Variants in GALC observed in about 807,000 individuals in gnomAD.
The protein encoded by GALC is galactocerebrosidase.
GALC carries 77 observed loss-of-function variants against 91.8 expected under a neutral mutation model. The ratio of observed to expected loss-of-function variants is 0.84; its 90% CI spans 0.70 to 1.01. The LOEUF (loss-of-function observed/expected upper bound fraction) is 1.01, where lower values mean the gene tolerates loss of function less well. GALC is among the 50% of genes least tolerant of loss of function. GALC has a pLI of 0.00. For synonymous variants in GALC, 357 were observed against 306.7 expected, an observed-to-expected ratio of 1.16 and a Z score of -1.71; for missense variants, 882 against 855.9, an observed-to-expected ratio of 1.03 and a Z score of -0.38.
chr14:87,934,926 T>G, intron 16 of GALC, 48 bp from the exon 17 acceptor site: 1 of 1,389,062 alleles, frequency 7.2e-7, no homozygotes, highest in South Asian at 1.2e-5. Flanking sequence ...AAAATGGTCC[T>G]CTGAAGTCTG....
intron 6 of GALC, among the ~76,000 whole-genome samples, chr14:87,981,825 A>C (rs995455370): frequency 9.2e-5 from 14 of 152,268 alleles, no homozygotes; most frequent in African/African-American, 2.9e-4. Flanking sequence ...AAGAATTAGA[A>C]TATATGCCAT....
At chr14:87,989,913 C>T (rs774895907) in intron 1 of GALC, among the ~76,000 whole-genome samples, 8 of 152,198 alleles carry the variant, frequency 5.3e-5, no homozygotes, top group African/African-American at 9.7e-5. Flanking sequence ...GATACTTTAT[C>T]CCTTATCACT....
chr14:87,977,683 T>C (rs943760608), intron 6 of GALC, among the ~76,000 whole-genome samples: 1 of 152,114 alleles, frequency 6.6e-6, no homozygotes, highest in African/African-American at 2.4e-5. Context: ...GTTGAAGAAA[T>C]TAAGAAAGAA....
chr14:87,973,296 G>A (rs1044136761), intron 7 of GALC, among the ~76,000 whole-genome samples: 1 of 152,066 alleles, frequency 6.6e-6, no homozygotes, highest in African/African-American at 2.4e-5. Flanking sequence ...AAGAAAATGA[G>A]GGAGAAACTT....
chr14:87,980,987 A>G (rs1262205350), intron 6 of GALC, among the ~76,000 whole-genome samples: 1 of 152,218 alleles, frequency 6.6e-6, no homozygotes, highest in African/African-American at 2.4e-5. Context: ...TTGTATAATG[A>G]CTTCTTTTCC....
chr14:87,940,955 T>TA (rs751414631), intron 15 of GALC, among the ~76,000 whole-genome samples: 14 of 152,054 alleles, frequency 9.2e-5, no homozygotes, highest in Admixed American at 5.2e-4. Flanking sequence ...TTTCAAGTAT[T>TA]AACTAAATTC....
intron 11 of GALC, 46 bp from the exon 12 acceptor site, chr14:87,949,977 CCT>C: frequency 1.1e-6 from 1 of 950,054 alleles, no homozygotes; most frequent in East Asian, 2.4e-5. Flanking sequence ...TTCATCACAT[CCT>C]CTTTGAGGAT....
At chr14:87,938,160 CT>C (rs1376282457) in intron 16 of GALC, among the ~76,000 whole-genome samples, 1 of 151,988 alleles carries the variant, frequency 6.6e-6, no homozygotes, top group Non-Finnish European at 1.5e-5. Flanking sequence ...CTGTCAGGCA[CT>C]TTTCTAGGTG....
At chr14:87,939,351 C>CAA (rs11460862) in intron 16 of GALC, among the ~76,000 whole-genome samples, 2 of 151,716 alleles carry the variant, frequency 1.3e-5, no homozygotes, top group African/African-American at 4.8e-5. Flanking sequence ...ACATTATACA[C>CAA]AAAAATTTAT....
intron 10 of GALC, among the ~76,000 whole-genome samples, chr14:87,958,384 G>C (rs1566983970): frequency 6.6e-6 from 1 of 151,934 alleles, no homozygotes; most frequent in Non-Finnish European, 1.5e-5. Flanking sequence ...AAAATATAGT[G>C]AATAATTAAT....
intron 10 of GALC, 150 bp from the exon 11 acceptor site, chr14:87,950,898 T>A: frequency 1.7e-6 from 1 of 597,964 alleles, no homozygotes; most frequent in East Asian, 2.9e-5. Context: ...AAGACTTTTT[T>A]ACAATATAAT....
At chr14:87,993,217 C>T, upstream of GALC, 1 of 1,549,540 alleles carries the variant, frequency 6.5e-7, no homozygotes, top group East Asian at 2.4e-5. Context: ...GTCGCCGCCA[C>T]GATAGATACG....
intron 1 of GALC, chr14:87,992,426 A>T: frequency 6.5e-7 from 1 of 1,534,436 alleles, no homozygotes; most frequent in South Asian, 1.2e-5. Flanking sequence ...ACGAAATCCT[A>T]TTCGGCGCTA....
At chr14:87,951,754 TAA>T (rs1007577146) in intron 10 of GALC, among the ~76,000 whole-genome samples, 3 of 151,534 alleles carry the variant, frequency 2.0e-5, no homozygotes, top group African/African-American at 4.8e-5. Context: ...AAAGGAAAAA[TAA>T]AAAGAGAAAT....
intron 10 of GALC, among the ~76,000 whole-genome samples, chr14:87,955,721 C>T (rs1885506714): frequency 6.6e-6 from 1 of 152,048 alleles, no homozygotes; most frequent in Admixed American, 6.6e-5. Context: ...GAAATGAGAT[C>T]ATGTTTCAAT....
chr14:87,952,719 T>G (rs1364997458), intron 10 of GALC: 2 of 1,524,788 alleles, frequency 1.3e-6, no homozygotes, highest in Admixed American at 3.4e-5. Flanking sequence ...GGTCATTTCT[T>G]ACTTAGCAAA....
intron 10 of GALC, among the ~76,000 whole-genome samples, chr14:87,951,066 A>T (rs764213916): frequency 5.9e-5 from 9 of 151,890 alleles, no homozygotes; most frequent in African/African-American, 9.7e-5. Flanking sequence ...TACATCAAAT[A>T]AAAAGCAAAA....
rs1217182089 is a variant in GALC at position 87,955,190 on chromosome 14, A to G, written c.1162-4442T>C. 5 of 1,232,958 alleles carry G rather than the reference A, an allele frequency of 4.1e-6. No individual in the cohort carries two copies. The African/African-American group carries it at 7.3e-5, about 18-fold the overall frequency. 76.4% of individuals were successfully genotyped at this position (1,232,958 alleles called of 1,614,324 possible). ...CCTGACACTGTAAAGCATGGAGCCG[A>G]TGCCCTTTTCTGAGGCCAGAGGAAG... On this transcript the variant is annotated intron_variant, in intron 10 of 16. Transcript: ENST00000261304.
intron 1 of GALC, among the ~76,000 whole-genome samples, chr14:87,991,561 T>C (rs1410776798): frequency 6.6e-6 from 1 of 152,172 alleles, no homozygotes; most frequent in Non-Finnish European, 1.5e-5. Context: ...GAAGATTAAA[T>C]GACAGCACTC....
Sources: gnomAD v4.1 joint callset for allele counts (sites outside exome capture counted in the v4.1 genomes callset) on GRCh38, gnomAD v4.1.1 for gene constraint, MANE v1.5 for transcripts, NCBI Gene and HGNC (gene_info 2026-07-23, HGNC 2026-07-21) for gene names.